Variants in CEP89 observed in about 807,000 individuals in gnomAD.
CEP89 encodes the protein centrosomal protein 89.
A neutral mutation model predicts 97.6 loss-of-function variants in CEP89; 95 were observed. The ratio of observed to expected loss-of-function variants is 0.97; its 90% confidence interval spans 0.82 to 1.15. CEP89 has a LOEUF of 1.15. Among genes scored for constraint, CEP89 ranks in the 50% most tolerant of loss-of-function variants. CEP89 has a pLI of 0.00. For missense variants in CEP89, 869 were observed against 947.7 expected, an observed-to-expected ratio of 0.92 and a Z score of 1.09; for synonymous variants, 354 against 349.1, an observed-to-expected ratio of 1.01 and a Z score of -0.16.
chr19:32,889,856 C>T (rs1383241557), intron 16 of CEP89, among the ~76,000 whole-genome samples: 2 of 152,124 alleles, frequency 1.3e-5, no homozygotes, highest in Non-Finnish European at 2.9e-5. Flanking sequence ...CTTGCCCTCT[C>T]CATGTCCCGG....
chr19:32,940,229 C>T (rs1239701580), intron 5 of CEP89, among the ~76,000 whole-genome samples: 6 of 149,434 alleles, frequency 4.0e-5, no homozygotes, highest in Non-Finnish European at 4.5e-5. Flanking sequence ...CTTCCCATGC[C>T]GGGCTCCTCC....
Position 32,920,470 on chromosome 19 carries a change from T to TTTTA in CEP89, c.1269-2135_1269-2132dup, listed in dbSNP as rs753390437. On this transcript the variant is annotated intron_variant, in intron 12 of 18. Transcript: ENST00000305768. ...TGGTTTAACACTCCCTCTTATTTTG[T>TTTTA]TTTATTTATTTATTTATTTATTTTA... is the stretch of plus-strand genomic sequence containing the variant. 2.8e-3 allele frequency among the ~76,000 whole-genome samples: 426 copies of TTTTA among 152,020 alleles called. 3 individuals carry two copies. Among genetic ancestry groups the TTTTA allele is most frequent in the Non-Finnish European group, 4.0e-3 (269 of 67,942 alleles).
chr19:32,967,274 T>C (rs918570854), intron 1 of CEP89, among the ~76,000 whole-genome samples: 7 of 152,170 alleles, frequency 4.6e-5, no homozygotes, highest in Non-Finnish European at 4.4e-5. Context: ...GTCAGAGAGC[T>C]CCGCTTTAGG....
chr19:32,881,047 G>A (rs563531852), intron 18 of CEP89, among the ~76,000 whole-genome samples: 116 of 152,304 alleles, frequency 7.6e-4, no homozygotes, highest in African/African-American at 2.7e-3. Context: ...ATCACCTGGG[G>A]ACTAGAGCCA....
chr19:32,907,790 T>C (rs190779017), intron 14 of CEP89, among the ~76,000 whole-genome samples: 194 of 152,354 alleles, frequency 1.3e-3, no homozygotes, highest in African/African-American at 3.5e-3. Context: ...TTTTGCCATG[T>C]TGGCCAGGCT....
chr19:32,953,251 A>G (rs937226673), intron 4 of CEP89, among the ~76,000 whole-genome samples: 2 of 151,462 alleles, frequency 1.3e-5, no homozygotes, highest in South Asian at 2.1e-4. Flanking sequence ...TGAGACACGC[A>G]TGACGATCTT....
chr19:32,882,449 G>A (rs998247830), intron 17 of CEP89, among the ~76,000 whole-genome samples: 2 of 151,860 alleles, frequency 1.3e-5, no homozygotes, highest in African/African-American at 4.8e-5. Flanking sequence ...TGTAGTCCCA[G>A]CTACTTGTGA....
At chr19:32,912,059 C>T (rs766123824) in intron 14 of CEP89, among the ~76,000 whole-genome samples, 5 of 151,730 alleles carry the variant, frequency 3.3e-5, no homozygotes, top group African/African-American at 4.8e-5. Flanking sequence ...CAAAACTAGC[C>T]GGATGTGGTG....
intron 12 of CEP89, among the ~76,000 whole-genome samples, chr19:32,920,140 C>T (rs900546013): frequency 3.9e-5 from 6 of 152,054 alleles, no homozygotes; most frequent in African/African-American, 7.2e-5. Context: ...TGGGCTTAAC[C>T]GATCCTCCTG....
Position 32,887,498 on chromosome 19 carries a change from G to A in CEP89, c.1965+254C>T, listed in dbSNP as rs529663996. ...CCTCCTGAGTCACTGAGATTACAGC[G>A]TGAGCCACTGTGCCTTGCTTCATAT... On this transcript the variant is annotated intron_variant, in intron 17 of 18. Transcript: ENST00000305768. 3.9e-5 allele frequency among the ~76,000 whole-genome samples: 6 copies of A among 152,164 alleles called. No homozygotes were observed. The East Asian group carries it at 7.8e-4, about 20-fold the overall frequency.
At chr19:32,932,126 A>G (rs1970488997) in intron 8 of CEP89, among the ~76,000 whole-genome samples, 1 of 151,760 alleles carries the variant, frequency 6.6e-6, no homozygotes, top group Admixed American at 6.6e-5. Flanking sequence ...GCTCGCAGTG[A>G]GCCGAAATCA....
At chr19:32,894,205 C>T (rs1969591995) in intron 16 of CEP89, among the ~76,000 whole-genome samples, 1 of 152,136 alleles carries the variant, frequency 6.6e-6, no homozygotes. Context: ...TTCTGGACAA[C>T]ATACAACCTA....
intron 14 of CEP89, among the ~76,000 whole-genome samples, chr19:32,903,927 AG>A (rs1457986538): frequency 6.6e-6 from 1 of 152,228 alleles, no homozygotes; most frequent in African/African-American, 2.4e-5. Context: ...TGGAAGGCCA[AG>A]GCAGGAGGCT....
At chr19:32,927,605 T>TC (rs944839129) in intron 9 of CEP89, among the ~76,000 whole-genome samples, 33 of 152,166 alleles carry the variant, frequency 2.2e-4, no homozygotes, top group Admixed American at 7.9e-4. Flanking sequence ...GTCTTTTATG[T>TC]CCTTTTTTTT....
At chr19:32,883,503 C>G (rs559168930) in intron 17 of CEP89, among the ~76,000 whole-genome samples, 12 of 151,982 alleles carry the variant, frequency 7.9e-5, no homozygotes, top group East Asian at 5.9e-4. Context: ...ATGGTGAAAC[C>G]CTGTCTCTAT....
At position 32,915,463 on chromosome 19, in the gene CEP89, T is replaced by G. The variant is rs1480043470; in HGVS notation, c.1439A>C (p.Glu480Ala). 4 of 1,613,486 alleles carry G rather than the reference T, an allele frequency of 2.5e-6. No homozygotes were observed. The Admixed American group carries it at 6.7e-5, about 27-fold the overall frequency. The change falls in exon 14 of 19, where the codon GAA (glutamate) becomes GCA (alanine). Residue 480 changes from glutamate to alanine, a missense_variant. Coordinates refer to ENST00000305768, the MANE Select transcript of CEP89 (RefSeq NM_032816.5). ...TTCCCTGTTCTCCGCCAGCTCCTTT[T>G]CCTGGCCGTGGGTTTTTGCCTCCAG... Reference protein sequence around the residue: ...MLLEAKTHGQEKELAENREQL... With the variant: ...MLLEAKTHGQAKELAENREQL...
intron 1 of CEP89, 31 bp from the exon 2 acceptor site, chr19:32,966,497 G>A (rs371608274): frequency 1.5e-5 from 21 of 1,375,132 alleles, no homozygotes; most frequent in Non-Finnish European, 2.1e-5. Flanking sequence ...AGAAGTCACT[G>A]GGTTGGGTCA....
intron 6 of CEP89, among the ~76,000 whole-genome samples, chr19:32,938,847 G>A (rs1815102759): frequency 6.6e-6 from 1 of 152,170 alleles, no homozygotes; most frequent in Admixed American, 6.6e-5. Context: ...CTACTCGGGA[G>A]GATGAGGCAG....
chr19:32,897,636 GTGGAA>G (rs1969671612), intron 16 of CEP89, among the ~76,000 whole-genome samples: 1 of 152,078 alleles, frequency 6.6e-6, no homozygotes, highest in Non-Finnish European at 1.5e-5. Context: ...CTGGAGTACA[GTGGAA>G]TGATCGACCT....
Sources: gnomAD v4.1 joint callset for allele counts (sites outside exome capture counted in the v4.1 genomes callset) on GRCh38, gnomAD v4.1.1 for gene constraint, MANE v1.5 for transcripts, NCBI Gene and HGNC (gene_info 2026-07-23, HGNC 2026-07-21) for gene names.